The following CABP1 variants were observed in gnomAD, a reference collection of about 807,000 sequenced individuals.
CABP1 encodes calcium-binding protein 1.
CABP1 carries 17 observed loss-of-function variants against 34.3 expected under a neutral mutation model. The observed-to-expected ratio is 0.50, with a 90% CI of 0.34 to 0.74. The LOEUF is 0.74. CABP1 is among the 30% of genes least tolerant of loss of function. The pLI, the probability that CABP1 is intolerant of heterozygous loss-of-function variation, is 0.01. For synonymous variants in CABP1, 198 were observed against 229.2 expected (o/e 0.86, Z 1.23); for missense variants, 373 against 511.1 (o/e 0.73, Z 2.61).
intron 1 of CABP1, among the ~76,000 whole-genome samples, chr12:120,646,182 G>A (rs1173820066): frequency 5.3e-5 from 8 of 152,300 alleles, no homozygotes; most frequent in South Asian, 2.1e-4. Context: ...TTCCCTGTTC[G>A]TCAGAAGCAT....
At chr12:120,654,672 TGCAGGCCGAAGGCAGA>T (rs1880057591) in intron 1 of CABP1, among the ~76,000 whole-genome samples, 10 of 151,048 alleles carry the variant, frequency 6.6e-5, no homozygotes, top group African/African-American at 1.9e-4. Context: ...GAAGGCAGAG[TGCAGGCCGAAGGCAGA>T]GTGCAGGCCG....
chr12:120,671,100 G>A (rs946561950), downstream of CABP1, among the ~76,000 whole-genome samples: 1 of 152,120 alleles, frequency 6.6e-6, no homozygotes, highest in African/African-American at 2.4e-5. Flanking sequence ...AGGACCTCAA[G>A]GATCAGCAGT....
chr12:120,677,154 C>G, the CABP1 span, among the ~76,000 whole-genome samples: 1 of 143,660 alleles, frequency 7.0e-6, no homozygotes, highest in Non-Finnish European at 1.5e-5. Context: ...GTGGCATGAT[C>G]TCAGCTCACT....
At chr12:120,652,064 CAG>C (rs2137339509) in intron 1 of CABP1, among the ~76,000 whole-genome samples, 1 of 152,330 alleles carries the variant, frequency 6.6e-6, no homozygotes, top group African/African-American at 2.4e-5. Flanking sequence ...TGACCTTAGA[CAG>C]ATTACTTAAC....
At chr12:120,647,385 AT>A (rs11332557) in intron 1 of CABP1, among the ~76,000 whole-genome samples, 86,451 of 129,714 alleles carry the variant, frequency 0.67, 25,065 homozygotes, top group East Asian at 0.72. Context: ...AGCAGACAAG[AT>A]TTTTTTTTTT....
At chr12:120,650,889 CTGTGTT>C (rs1303412382) in intron 1 of CABP1, among the ~76,000 whole-genome samples, 3 of 151,952 alleles carry the variant, frequency 2.0e-5, no homozygotes, top group South Asian at 2.1e-4. Context: ...CGGGGTGAAA[CTGTGTT>C]TGGGAATTTG....
intron 5 of CABP1, among the ~76,000 whole-genome samples, chr12:120,662,942 C>T: frequency 6.6e-6 from 1 of 152,174 alleles, no homozygotes. Flanking sequence ...GCCTTGGCCT[C>T]CCAAAGTGCT....
At chr12:120,657,067 G>A (rs1472138981) in intron 1 of CABP1, among the ~76,000 whole-genome samples, 1 of 152,144 alleles carries the variant, frequency 6.6e-6, no homozygotes, top group African/African-American at 2.4e-5. Context: ...CTACAGTGAT[G>A]GAAATATTCT....
chr12:120,676,062 G>A, the CABP1 span, among the ~76,000 whole-genome samples: 1 of 152,072 alleles, frequency 6.6e-6, no homozygotes, highest in African/African-American at 2.4e-5. Flanking sequence ...CATGATGAGA[G>A]GGAGACTCCA....
chr12:120,674,326 C>G, the CABP1 span, among the ~76,000 whole-genome samples: 2 of 152,258 alleles, frequency 1.3e-5, no homozygotes, highest in African/African-American at 4.8e-5. Context: ...GCATGGCATT[C>G]TTGAATGGCT....
intron 1 of CABP1, chr12:120,655,684 T>C (rs79616458): frequency 0.024 from 34,244 of 1,429,704 alleles, 2,282 homozygotes; most frequent in African/African-American, 0.22. Context: ...ATTGGGAGGT[T>C]GGGAGCATTT....
At chr12:120,656,770 C>G (rs1880252079) in intron 1 of CABP1, among the ~76,000 whole-genome samples, 1 of 152,112 alleles carries the variant, frequency 6.6e-6, no homozygotes, top group African/African-American at 2.4e-5. Context: ...TGGCGGGTGC[C>G]TGTAATCCCA....
chr12:120,672,738 A>C, the CABP1 span, among the ~76,000 whole-genome samples: 1 of 148,540 alleles, frequency 6.7e-6, no homozygotes, highest in Non-Finnish European at 1.5e-5. Flanking sequence ...CCACAAAGAA[A>C]CCCAAGGGAG....
intron 1 of CABP1, chr12:120,650,746 G>A: frequency 6.5e-7 from 1 of 1,547,594 alleles, no homozygotes; most frequent in Non-Finnish European, 8.9e-7. Context: ...ATCTGTCTCA[G>A]AGGTTGGGCA....
At chr12:120,645,459 G>T (rs1005265946) in intron 1 of CABP1, among the ~76,000 whole-genome samples, 11 of 152,150 alleles carry the variant, frequency 7.2e-5, no homozygotes, top group Admixed American at 3.9e-4. Context: ...TGGACAAAGT[G>T]TCTTCTTATC....
At chr12:120,663,873 G>A (rs478415) in intron 5 of CABP1, among the ~76,000 whole-genome samples, 1 of 152,146 alleles carries the variant, frequency 6.6e-6, no homozygotes, top group African/African-American at 2.4e-5. Context: ...GAGGCACTAC[G>A]GGATACAGGG....
At chr12:120,651,467 T>G (rs1167093057) in intron 1 of CABP1, among the ~76,000 whole-genome samples, 2 of 152,244 alleles carry the variant, frequency 1.3e-5, no homozygotes, top group Non-Finnish European at 2.9e-5. Flanking sequence ...TTAGGTGGGC[T>G]CTGCGTATTT....
Position 120,666,865 on chromosome 12 carries a change from A to T in CABP1, c.1088-10A>T. 1 of 1,604,584 alleles carries T rather than the reference A, an allele frequency of 6.2e-7. No homozygotes were observed. The highest frequency in any genetic ancestry group is 8.5e-7 in the Non-Finnish European group (1 of 1,177,934). On this transcript the variant is annotated splice_polypyrimidine_tract_variant and intron_variant, in intron 5 of 5. Coordinates refer to ENST00000316803, the MANE Select transcript of CABP1 (RefSeq NM_001033677.2). ...CTGCTTGCTCCCCAGCTGCTCCTCT[A>T]CCCTTCTAGAGTTTGTCCGGATGAT...
chr12:120,653,372 C>T (rs1407911051), intron 1 of CABP1, among the ~76,000 whole-genome samples: 1 of 152,168 alleles, frequency 6.6e-6, no homozygotes, highest in East Asian at 1.9e-4. Flanking sequence ...TGAGCATCTC[C>T]CACAGTATGG....
Sources: gnomAD v4.1 joint callset for allele counts (sites outside exome capture counted in the v4.1 genomes callset) on GRCh38, gnomAD v4.1.1 for gene constraint, MANE v1.5 for transcripts, NCBI Gene and HGNC (gene_info 2026-07-23, HGNC 2026-07-21) for gene names.